Variants in ZNF407 observed in about 807,000 individuals in gnomAD.
ZNF407 encodes zinc finger protein 407.
A neutral mutation model predicts 131.2 loss-of-function variants in ZNF407; 17 were observed. The ratio of observed to expected loss-of-function variants is 0.13; its 90% confidence interval spans 0.09 to 0.19. ZNF407 has a LOEUF of 0.19. Ranked by LOEUF, ZNF407 falls within the 10% of genes least tolerant of loss-of-function variation. ZNF407 has a pLI of 1.00. For missense variants in ZNF407, 2,681 were observed against 2,830.6 expected (o/e 0.95, Z 1.20); for synonymous variants, 1,156 against 1,062.0 (o/e 1.09, Z -1.72).
intron 6 of ZNF407, among the ~76,000 whole-genome samples, chr18:74,885,488 T>A (rs1971296484): frequency 6.6e-6 from 1 of 152,186 alleles, no homozygotes; most frequent in African/African-American, 2.4e-5. Context: ...CAAGCTGATA[T>A]TAAAATTTAT....
At chr18:74,818,502 G>A (rs541661950) in intron 4 of ZNF407, among the ~76,000 whole-genome samples, 6 of 152,234 alleles carry the variant, frequency 3.9e-5, no homozygotes, top group East Asian at 1.9e-4. Flanking sequence ...TTTTGCACAT[G>A]CACATAAAAT....
At chr18:75,039,742 C>G (rs972777580) in intron 8 of ZNF407, among the ~76,000 whole-genome samples, 6 of 98,546 alleles carry the variant, frequency 6.1e-5, no homozygotes, top group Non-Finnish European at 1.2e-4. Context: ...TTTTTTTAAT[C>G]CATTACAGAG....
intron 8 of ZNF407, 105 bp downstream of exon 8, chr18:74,920,797 A>C: frequency 7.3e-7 from 1 of 1,377,556 alleles, no homozygotes; most frequent in Non-Finnish European, 9.5e-7. Flanking sequence ...AATGGAGTAG[A>C]GTATGTGATA....
intron 3 of ZNF407, among the ~76,000 whole-genome samples, chr18:74,672,968 G>T (rs1432615737): frequency 1.3e-5 from 2 of 152,126 alleles, no homozygotes; most frequent in Non-Finnish European, 2.9e-5. Context: ...CCTAATATGT[G>T]TTACTGACTT....
At chr18:74,599,141 T>C (rs904392098) in intron 1 of ZNF407, among the ~76,000 whole-genome samples, 1 of 152,232 alleles carries the variant, frequency 6.6e-6, no homozygotes, top group Non-Finnish European at 1.5e-5. Flanking sequence ...CTCACTGTGC[T>C]TCATTTAGTA....
At position 74,708,252 on chromosome 18, in the gene ZNF407, C is replaced by A. The variant is rs76945930; in HGVS notation, c.4802+67130C>A. ...TGGTGTGCAAAATTAAATTTATATG[C>A]CAACAAATAGGAAATATAATGACTT... On this transcript the variant is annotated intron_variant, in intron 3 of 8. Coordinates refer to ENST00000299687, the MANE Select transcript of ZNF407 (RefSeq NM_017757.3). 4.3e-3 allele frequency among the ~76,000 whole-genome samples: 659 copies of A among 152,126 alleles called. 9 individuals are homozygous for A. Among genetic ancestry groups the A allele is most frequent in the African/African-American group, 0.015 (632 of 41,492 alleles).
At chr18:74,786,224 A>T (rs1416875775) in intron 4 of ZNF407, among the ~76,000 whole-genome samples, 1 of 152,218 alleles carries the variant, frequency 6.6e-6, no homozygotes, top group Non-Finnish European at 1.5e-5. Context: ...CTATTCCTCC[A>T]TAGTGAGTTT....
rs560728092 is a variant in ZNF407, at chr18:74,802,806, C to T, written c.4877+21304C>T. ...TAGAGCTTTTGATGTTCCAGGGAAA[C>T]TGTAATAATTAAGTTTGCAATACAT... On this transcript the variant is annotated intron_variant, in intron 4 of 8. Coordinates refer to ENST00000299687, the MANE Select transcript of ZNF407 (RefSeq NM_017757.3). 5.3e-5 allele frequency among the ~76,000 whole-genome samples: 8 copies of T among 152,224 alleles called. No individual in the cohort carries two copies. In the South Asian group the frequency reaches 1.4e-3, roughly 28 times the overall value.
chr18:74,748,655 C>G (rs1968726966), intron 3 of ZNF407, among the ~76,000 whole-genome samples: 1 of 151,994 alleles, frequency 6.6e-6, no homozygotes, highest in African/African-American at 2.4e-5. Flanking sequence ...AATTTTATGG[C>G]CATAATCATA....
Position 75,060,749 on chromosome 18 carries a change from T to C in ZNF407, c.5429-2401T>C, listed in dbSNP as rs1048880285. Among the ~76,000 whole-genome samples the C allele has an allele frequency of 1.2e-3, 175 of 151,386 alleles. 1 individual carries two copies. The highest frequency in any genetic ancestry group is 4.6e-3 in the South Asian group (22 of 4,772). ...CTCGATCTCCTGACCTCGTGATCCGTCCGCCTCGGCCTCCCAAAGTGCTGG... is the reference window on the plus strand; with the variant it reads ...CTCGATCTCCTGACCTCGTGATCCGCCCGCCTCGGCCTCCCAAAGTGCTGG... On this transcript the variant is annotated intron_variant, in intron 8 of 8. Coordinates refer to ENST00000299687, the MANE Select transcript of ZNF407 (RefSeq NM_017757.3).
intron 8 of ZNF407, among the ~76,000 whole-genome samples, chr18:74,997,807 C>T (rs78665924): frequency 9.8e-5 from 15 of 152,346 alleles, no homozygotes; most frequent in African/African-American, 3.4e-4. Context: ...ACTTCTACCT[C>T]TGCTTACCCA....
At chr18:74,955,490 C>T (rs563796791) in intron 8 of ZNF407, among the ~76,000 whole-genome samples, 1 of 152,124 alleles carries the variant, frequency 6.6e-6, no homozygotes, top group South Asian at 2.1e-4. Flanking sequence ...ATGGAGCTGG[C>T]GCTGGGCTAG....
intron 3 of ZNF407, among the ~76,000 whole-genome samples, chr18:74,769,407 T>A (rs1236893741): frequency 6.6e-6 from 1 of 152,208 alleles, no homozygotes; most frequent in African/African-American, 2.4e-5. Context: ...TTTACAGAGC[T>A]GTTTTTGAAA....
chr18:74,870,787 A>G (rs554916160), intron 4 of ZNF407, among the ~76,000 whole-genome samples: 206 of 152,300 alleles, frequency 1.4e-3, no homozygotes, highest in Non-Finnish European at 2.3e-3. Context: ...TTAAATTTCT[A>G]GACAGTATTG....
At chr18:74,644,125 T>C (rs1019294516) in intron 3 of ZNF407, among the ~76,000 whole-genome samples, 5 of 151,856 alleles carry the variant, frequency 3.3e-5, no homozygotes, top group African/African-American at 9.7e-5. Context: ...GTACATGTTA[T>C]GGATAACTTC....
chr18:74,620,755 G>A (rs1599134906), intron 1 of ZNF407, among the ~76,000 whole-genome samples: 1 of 152,154 alleles, frequency 6.6e-6, no homozygotes, highest in African/African-American at 2.4e-5. Flanking sequence ...CCGATGACCA[G>A]AGGCCCCTAA....
At chr18:74,886,567 A>T (rs1424927226) in intron 6 of ZNF407, among the ~76,000 whole-genome samples, 1 of 152,246 alleles carries the variant, frequency 6.6e-6, no homozygotes, top group East Asian at 1.9e-4. Context: ...CTCTGCAACG[A>T]AAATAAGTGA....
At chr18:75,016,429 T>C (rs1973044947) in intron 8 of ZNF407, among the ~76,000 whole-genome samples, 1 of 152,128 alleles carries the variant, frequency 6.6e-6, no homozygotes, top group Admixed American at 6.5e-5. Context: ...CTATTTCTCT[T>C]AGTAATGTTA....
intron 7 of ZNF407, among the ~76,000 whole-genome samples, chr18:74,899,793 C>T (rs1401142004): frequency 6.6e-6 from 1 of 152,166 alleles, no homozygotes; most frequent in East Asian, 1.9e-4. Context: ...AGCCCGCCAG[C>T]CACAGCCACT....
Sources: gnomAD v4.1 joint callset for allele counts (sites outside exome capture counted in the v4.1 genomes callset) on GRCh38, gnomAD v4.1.1 for gene constraint, MANE v1.5 for transcripts, NCBI Gene and HGNC (gene_info 2026-07-23, HGNC 2026-07-21) for gene names.